The following AKR1C3 variants were observed in gnomAD, a reference collection of about 807,000 sequenced individuals.
AKR1C3 encodes aldo-keto reductase family 1 member C3.
Under a neutral mutation model 43.6 loss-of-function variants are expected in AKR1C3, and 48 were observed. That is an observed-to-expected ratio of 1.10 (90% CI 0.87 to 1.40). The LOEUF (loss-of-function observed/expected upper bound fraction) is 1.40. Ranked by LOEUF, AKR1C3 falls within the 40% of genes most tolerant of loss-of-function variation. The pLI is 0.00. For synonymous variants in AKR1C3, 162 were observed against 139.6 expected (o/e 1.16, Z -1.13); for missense variants, 482 against 391.2 (o/e 1.23, Z -1.96).
intron 3 of AKR1C3, 181 bp downstream of exon 3, chr10:5,097,731 T>C (rs1564369307): frequency 5.0e-6 from 7 of 1,412,278 alleles, no homozygotes; most frequent in Non-Finnish European, 6.5e-6. Context: ...ACTTCTCTAA[T>C]GCACACCTAC....
intron 1 of AKR1C3, among the ~76,000 whole-genome samples, chr10:5,072,401 G>T (rs976721098): frequency 1.2e-4 from 19 of 152,130 alleles, no homozygotes; most frequent in African/African-American, 4.6e-4. Context: ...TTGCCAATAA[G>T]GATAGAGACC....
intron 8 of AKR1C3, among the ~76,000 whole-genome samples, chr10:5,107,153 AAGTAAAGT>A (rs1303157274): frequency 3.3e-5 from 5 of 152,310 alleles, no homozygotes; most frequent in South Asian, 2.1e-4. Context: ...AGCAGGTAAT[AAGTAAAGT>A]AACAAAAGAA....
intron 8 of AKR1C3, among the ~76,000 whole-genome samples, chr10:5,106,757 A>T (rs1316019795): frequency 2.0e-5 from 3 of 152,082 alleles, no homozygotes; most frequent in Admixed American, 1.3e-4. Context: ...CCATCTCAAA[A>T]AAAAAAAGCA....
At chr10:5,089,159 G>A (rs1206725644) in intron 1 of AKR1C3, among the ~76,000 whole-genome samples, 2 of 152,024 alleles carry the variant, frequency 1.3e-5, no homozygotes, top group Non-Finnish European at 2.9e-5. Flanking sequence ...TAGCTTCTCT[G>A]TAGCTGCTTT....
intron 5 of AKR1C3, among the ~76,000 whole-genome samples, chr10:5,100,759 T>G (rs1839328814): frequency 6.6e-6 from 1 of 152,220 alleles, no homozygotes; most frequent in African/African-American, 2.4e-5. Context: ...AGTTTTAATA[T>G]TAGTCCTTCA....
At chr10:5,096,345 G>A in intron 1 of AKR1C3, 65 bp from the exon 2 acceptor site, 1 of 1,552,200 alleles carries the variant, frequency 6.4e-7, no homozygotes, top group Non-Finnish European at 8.7e-7. Context: ...AAAAGTCAAT[G>A]CTTGTGCCTG....
intron 1 of AKR1C3, among the ~76,000 whole-genome samples, chr10:5,056,003 C>A (rs1357736328): frequency 1.3e-5 from 2 of 152,140 alleles, no homozygotes; most frequent in African/African-American, 2.4e-5. Flanking sequence ...AGATATTTGA[C>A]CTGCTGTAGC....
upstream of AKR1C3, among the ~76,000 whole-genome samples, chr10:5,092,474 C>A (rs1038659790): frequency 1.0e-3 from 103 of 100,204 alleles, no homozygotes; most frequent in Non-Finnish European, 1.7e-3. Flanking sequence ...CTGTTCACAT[C>A]TCTTTACTCT....
chr10:5,105,820 C>T (rs35983920), intron 8 of AKR1C3, 143 bp downstream of exon 8: 9,988 of 669,754 alleles, frequency 0.015, 131 homozygotes, highest in Middle Eastern at 0.038. Context: ...TGGATTCACT[C>T]CAGAGCTCTG....
Position 5,102,148 on chromosome 10 carries a change from C to T in AKR1C3, c.618C>T (p.Cys206=), listed in dbSNP as rs782081680. 2.5e-6 allele frequency: 4 copies of T among 1,614,024 alleles called. No homozygotes were observed. Among genetic ancestry groups the T allele is most frequent in the East Asian group, 2.2e-5 (1 of 44,862 alleles). ...YFNRSKLLDF[C]KSKDIVLVAY... Reference sequence around the variant, plus strand: ...ACCGGAGTAAATTGCTAGATTTCTGCAAGTCGAAAGATATTGTTCTGGTTG... The same window carrying T: ...ACCGGAGTAAATTGCTAGATTTCTGTAAGTCGAAAGATATTGTTCTGGTTG... The change falls in exon 6 of 9, where the codon TGC becomes TGT. Residue 206 remains cysteine (C), a synonymous_variant. Transcript: ENST00000380554.
chr10:5,071,724 A>C (rs543389798), intron 1 of AKR1C3, among the ~76,000 whole-genome samples: 5 of 152,340 alleles, frequency 3.3e-5, no homozygotes, highest in African/African-American at 1.2e-4. Flanking sequence ...TGTCTGAAGA[A>C]ATGCCTGTCT....
chr10:5,105,639 T>C lies in AKR1C3; in HGVS notation c.891T>C (p.Asp297=), dbSNP rs1839482183. ...CTGCAGAGGACATGAAAGCCATAGATGGCCTAGACAGAAATCTCCACTATT... is the reference window on the plus strand; with the variant it reads ...CTGCAGAGGACATGAAAGCCATAGACGGCCTAGACAGAAATCTCCACTATT... ...QLTAEDMKAI[D]GLDRNLHYFN... The change falls in exon 8 of 9, where the codon GAT becomes GAC. Residue 297 remains aspartate, a synonymous_variant. Transcript: ENST00000380554. The C allele has an allele frequency of 6.2e-7, 1 of 1,614,092 alleles. No homozygotes were observed. Among genetic ancestry groups the C allele is most frequent in the Admixed American group, 1.7e-5 (1 of 60,016 alleles).
At chr10:5,096,292 T>A in intron 1 of AKR1C3, 118 bp from the exon 2 acceptor site, 1 of 1,283,612 alleles carries the variant, frequency 7.8e-7, no homozygotes, top group South Asian at 1.6e-5. Flanking sequence ...GAGATGGACT[T>A]TTCACCCCAC....
chr10:5,056,629 T>G (rs1554779630), intron 1 of AKR1C3, among the ~76,000 whole-genome samples: 2 of 152,226 alleles, frequency 1.3e-5, no homozygotes, highest in African/African-American at 4.8e-5. Context: ...TGATTTGGAC[T>G]GAGTGGGCAT....
chr10:5,083,212 G>A (rs1554782582), intron 1 of AKR1C3, among the ~76,000 whole-genome samples: 2 of 152,066 alleles, frequency 1.3e-5, no homozygotes, highest in African/African-American at 4.8e-5. Context: ...ATCTCCTAAT[G>A]CTATCCCTCC....
intron 1 of AKR1C3, among the ~76,000 whole-genome samples, chr10:5,070,434 C>T (rs566854687): frequency 6.6e-6 from 1 of 152,334 alleles, no homozygotes; most frequent in African/African-American, 2.4e-5. Flanking sequence ...CGTAGTGGCT[C>T]AAGGGCCTCG....
Position 5,094,453 on chromosome 10 carries a change from C to T in AKR1C3, c.9C>T (p.Ser3=), listed in dbSNP as rs1478371443. 1.1e-5 allele frequency: 18 copies of T among 1,611,652 alleles called. No homozygotes were observed. Among genetic ancestry groups the T allele is most frequent in the Non-Finnish European group, 1.5e-5 (18 of 1,178,348 alleles). The change falls in exon 1 of 9, where the codon TCC becomes TCT. Residue 3 remains serine (S), a synonymous_variant. Transcript: ENST00000380554. Reference sequence around the variant, plus strand: ...CAGACAAGTGACAGGGAATGGATTCCAAACACCAGTGTGTAAAGCTAAATG... The same window carrying T: ...CAGACAAGTGACAGGGAATGGATTCTAAACACCAGTGTGTAAAGCTAAATG... MD[S]KHQCVKLNDG...
chr10:5,070,853 GAT>G (rs1286441615), intron 1 of AKR1C3, among the ~76,000 whole-genome samples: 2 of 152,272 alleles, frequency 1.3e-5, no homozygotes, highest in East Asian at 3.9e-4. Context: ...ATCCATGCCT[GAT>G]ATTTATAACT....
chr10:5,068,744 G>A (rs1462928885), intron 1 of AKR1C3, among the ~76,000 whole-genome samples: 2 of 152,194 alleles, frequency 1.3e-5, no homozygotes, highest in African/African-American at 4.8e-5. Context: ...AGGCAGAGGG[G>A]AGAAGAGGCA....
Sources: allele counts gnomAD v4.1 joint callset (sites outside exome capture counted in the v4.1 genomes callset), GRCh38; gene constraint gnomAD v4.1.1; transcripts MANE v1.5; gene names NCBI Gene and HGNC (gene_info 2026-07-23, HGNC 2026-07-21).